MARK3: variants seen among roughly 807,000 people sequenced by gnomAD.
MARK3 encodes the protein MAP/microtubule affinity-regulating kinase 3.
Under a neutral mutation model 90.1 loss-of-function variants are expected in MARK3, and 46 were observed. The observed-to-expected ratio is 0.51, with a 90% CI of 0.40 to 0.65. The LOEUF is 0.65. Among genes scored for constraint, MARK3 ranks in the 30% least tolerant of loss-of-function variants. The pLI is 0.00. For synonymous variants in MARK3, 321 were observed against 332.6 expected (o/e 0.97, Z 0.38); for missense variants, 818 against 947.2 (o/e 0.86, Z 1.79).
intron 5 of MARK3, 112 bp downstream of exon 5, chr14:103,452,095 C>T: frequency 1.5e-6 from 1 of 667,376 alleles, no homozygotes; most frequent in Admixed American, 2.9e-5. Context: ...CGTCCAGAGC[C>T]ATAATACGCT....
At chr14:103,468,601 C>T (rs1033162733) in intron 12 of MARK3, among the ~76,000 whole-genome samples, 4 of 151,998 alleles carry the variant, frequency 2.6e-5, no homozygotes, top group Non-Finnish European at 4.4e-5. Context: ...GCTGGAATTA[C>T]AGGCATGAGC....
chr14:103,464,547 G>A (rs564204871), intron 7 of MARK3, among the ~76,000 whole-genome samples: 2 of 151,776 alleles, frequency 1.3e-5, no homozygotes, highest in African/African-American at 4.8e-5. Context: ...TGATCCACCC[G>A]CCTCAGCCTC....
rs71126030 is a variant in MARK3 at position 103,481,757 on chromosome 14, C to CTTT, written c.1586+1292_1586+1294dup. 1.1e-3 allele frequency among the ~76,000 whole-genome samples: 54 copies of CTTT among 49,802 alleles called. 11 individuals are homozygous for CTTT. The highest frequency in any genetic ancestry group is 3.0e-3 in the African/African-American group (35 of 11,528). 32.7% of individuals were successfully genotyped at this position (49,802 alleles called of 152,430 possible). On this transcript the variant is annotated intron_variant, in intron 14 of 17. Transcript: ENST00000429436. ...CAGATAATGATTGATATAGGTATTT[C>CTTT]TTTTTTTTTTTTTTTTTTTTTTTTT...
intron 1 of MARK3, among the ~76,000 whole-genome samples, chr14:103,392,064 A>C (rs999589218): frequency 1.6e-4 from 24 of 152,190 alleles, no homozygotes; most frequent in African/African-American, 5.3e-4. Context: ...GTTATTTAAC[A>C]GTTACTGATA....
At chr14:103,386,215 C>A in intron 1 of MARK3, 135 bp downstream of exon 1, 1 of 865,172 alleles carries the variant, frequency 1.2e-6, no homozygotes, top group Non-Finnish European at 2.0e-6. Context: ...ACCCAGGAGG[C>A]AGCCAGGTCG....
intron 1 of MARK3, chr14:103,386,381 G>A (rs2089798473): frequency 3.0e-6 from 2 of 674,000 alleles, no homozygotes; most frequent in Non-Finnish European, 5.5e-6. Flanking sequence ...GCAATGGATT[G>A]TGCAAACGTG....
At chr14:103,389,265 G>GAGGCAGGA (rs1308669351) in intron 1 of MARK3, among the ~76,000 whole-genome samples, 1 of 151,720 alleles carries the variant, frequency 6.6e-6, no homozygotes, top group African/African-American at 2.4e-5. Flanking sequence ...TCGGGAGGCT[G>GAGGCAGGA]AGGCAGGAGA....
chr14:103,449,058 T>G, intron 4 of MARK3, 91 bp downstream of exon 4: 4 of 1,302,634 alleles, frequency 3.1e-6, no homozygotes, highest in Non-Finnish European at 4.3e-6. Context: ...AATGGTAGAG[T>G]ACACTTCTAG....
Position 103,492,051 on chromosome 14 carries a change from G to C in MARK3, c.1844+17G>C. ...CACAAGGAGGTAAGTGCTAGGTGCTGGTTGTTTTGGAGTGAACACATAGAG... is the reference window on the plus strand; with the variant it reads ...CACAAGGAGGTAAGTGCTAGGTGCTCGTTGTTTTGGAGTGAACACATAGAG... On this transcript the variant is annotated intron_variant, in intron 15 of 17. Coordinates refer to ENST00000429436, the MANE Select transcript of MARK3 (RefSeq NM_001128918.3). The C allele has an allele frequency of 6.2e-7, 1 of 1,612,154 alleles. No individual in the cohort carries two copies. Among genetic ancestry groups the C allele is most frequent in the South Asian group, 1.1e-5 (1 of 90,896 alleles).
At chr14:103,392,475 C>T (rs1281024867) in intron 1 of MARK3, among the ~76,000 whole-genome samples, 3 of 152,124 alleles carry the variant, frequency 2.0e-5, no homozygotes, top group Non-Finnish European at 4.4e-5. Context: ...TGTTGATGCT[C>T]CAGGTCCGGG....
intron 17 of MARK3, among the ~76,000 whole-genome samples, chr14:103,501,895 G>A (rs147695344): frequency 2.1e-3 from 317 of 152,338 alleles, no homozygotes; most frequent in African/African-American, 7.1e-3. Context: ...GCAGGTTGGT[G>A]ACACGGAGAG....
intron 5 of MARK3, among the ~76,000 whole-genome samples, chr14:103,456,691 C>T (rs1595763936): frequency 6.6e-6 from 1 of 152,334 alleles, no homozygotes; most frequent in East Asian, 1.9e-4. Flanking sequence ...ACTGCTGCAT[C>T]TCCCCAGAAC....
intron 6 of MARK3, among the ~76,000 whole-genome samples, chr14:103,460,413 T>C (rs1481798473): frequency 6.6e-6 from 1 of 152,124 alleles, no homozygotes; most frequent in Non-Finnish European, 1.5e-5. Context: ...TACCTCTTTA[T>C]TGGTGGGCTG....
At chr14:103,449,460 G>A (rs1269622018) in intron 4 of MARK3, among the ~76,000 whole-genome samples, 1 of 145,944 alleles carries the variant, frequency 6.9e-6, no homozygotes, top group Non-Finnish European at 1.5e-5. Flanking sequence ...TTAAAAATTT[G>A]TAAAAAGAAT....
chr14:103,492,566 G>T (rs1406463966), intron 15 of MARK3, among the ~76,000 whole-genome samples: 1 of 151,996 alleles, frequency 6.6e-6, no homozygotes. Context: ...GTCCTTAAAT[G>T]GTATAGTTTT....
chr14:103,390,104 C>T (rs981276748), intron 1 of MARK3, among the ~76,000 whole-genome samples: 33 of 151,924 alleles, frequency 2.2e-4, no homozygotes, highest in African/African-American at 7.0e-4. Context: ...AAAAATTAGC[C>T]GGGCGTGGTG....
intron 3 of MARK3, among the ~76,000 whole-genome samples, chr14:103,444,645 C>T (rs908468535): frequency 1.3e-5 from 2 of 152,050 alleles, no homozygotes; most frequent in Non-Finnish European, 2.9e-5. Flanking sequence ...GACATGATGG[C>T]GGGCACCTGT....
At chr14:103,449,931 C>G (rs2093091721) in intron 4 of MARK3, among the ~76,000 whole-genome samples, 1 of 146,208 alleles carries the variant, frequency 6.8e-6, no homozygotes, top group African/African-American at 2.4e-5. Flanking sequence ...GATAGCCTAT[C>G]AAGAATGCAT....
intron 1 of MARK3, among the ~76,000 whole-genome samples, chr14:103,398,563 G>C (rs1848696502): frequency 6.6e-6 from 1 of 152,106 alleles, no homozygotes; most frequent in African/African-American, 2.4e-5. Flanking sequence ...GTAGAGACAG[G>C]GTCTTGCTAT....
Sources: allele counts gnomAD v4.1 joint callset (sites outside exome capture counted in the v4.1 genomes callset), GRCh38; gene constraint gnomAD v4.1.1; transcripts MANE v1.5; gene names NCBI Gene and HGNC (gene_info 2026-07-23, HGNC 2026-07-21).